BABAM2: variants seen among roughly 807,000 people sequenced by gnomAD.
The protein encoded by BABAM2 is BRISC and BRCA1 A complex member 2.
BABAM2 carries 31 observed loss-of-function variants against 54.7 expected under a neutral mutation model. The observed-to-expected ratio is 0.57, with a 90% CI of 0.43 to 0.77. The LOEUF is 0.77. Among genes scored for constraint, BABAM2 ranks in the 30% least tolerant of loss-of-function variants. The probability of loss-of-function intolerance (pLI) is 0.00; values close to 1 mark genes in which losing one functional copy is unlikely to be tolerated. For missense variants in BABAM2, 364 were observed against 455.8 expected (o/e 0.80, Z 1.83); for synonymous variants, 167 against 162.9 (o/e 1.03, Z -0.19).
chr2:28,308,903 G>A (rs1688803860), intron 11 of BABAM2: 1 of 155,234 alleles, frequency 6.4e-6, no homozygotes, highest in Admixed American at 6.4e-5. Flanking sequence ...GCCTACTTGA[G>A]AGGGTTATGA....
intron 6 of BABAM2, among the ~76,000 whole-genome samples, chr2:28,123,157 C>T (rs1412614773): frequency 6.6e-6 from 1 of 152,082 alleles, no homozygotes; most frequent in Non-Finnish European, 1.5e-5. Flanking sequence ...TCTGTATGTA[C>T]TATGTTCCAG....
chr2:28,138,972 A>G (rs948097597), intron 7 of BABAM2, among the ~76,000 whole-genome samples: 6 of 152,224 alleles, frequency 3.9e-5, no homozygotes, highest in African/African-American at 1.4e-4. Context: ...CATGCAGGAA[A>G]ACTGCATATG....
chr2:28,327,275 G>A (rs769030176), intron 11 of BABAM2: 32 of 1,600,226 alleles, frequency 2.0e-5, no homozygotes, highest in Non-Finnish European at 2.7e-5. Context: ...CTGCACCAGG[G>A]GATGCCAAGG....
At chr2:27,974,311 T>C (rs1573303837) in intron 3 of BABAM2, among the ~76,000 whole-genome samples, 1 of 152,150 alleles carries the variant, frequency 6.6e-6, no homozygotes, top group African/African-American at 2.4e-5. Context: ...CGAAAAAAAT[T>C]AGCAAATTGA....
intron 2 of BABAM2, among the ~76,000 whole-genome samples, chr2:27,916,257 G>C (rs1666958551): frequency 6.6e-6 from 1 of 150,872 alleles, no homozygotes; most frequent in Non-Finnish European, 1.5e-5. Context: ...ACATGTTTTG[G>C]ATCAAGGCAT....
At chr2:28,089,421 G>C (rs1378998354) in intron 6 of BABAM2, among the ~76,000 whole-genome samples, 1 of 152,164 alleles carries the variant, frequency 6.6e-6, no homozygotes, top group East Asian at 1.9e-4. Context: ...CTTGAGGGCA[G>C]TTTGCTAAGT....
intron 10 of BABAM2, among the ~76,000 whole-genome samples, chr2:28,254,585 T>A (rs1455376473): frequency 6.6e-6 from 1 of 152,086 alleles, no homozygotes; most frequent in Non-Finnish European, 1.5e-5. Flanking sequence ...AGTGAACCGC[T>A]ATCACCCATA....
intron 3 of BABAM2, among the ~76,000 whole-genome samples, chr2:27,977,957 T>G (rs980286575): frequency 2.0e-5 from 3 of 152,160 alleles, no homozygotes; most frequent in African/African-American, 4.8e-5. Context: ...TTCAGAGAGA[T>G]ATTAAATTTC....
intron 10 of BABAM2, among the ~76,000 whole-genome samples, chr2:28,250,584 C>CTTTTTTTTTTTTTTTTTTTTTTT (rs34597279): frequency 7.3e-5 from 10 of 137,000 alleles, no homozygotes; most frequent in Non-Finnish European, 9.3e-5. Flanking sequence ...ATATTTTTTT[C>CTTTTTTTTTTTTTTTTTTTTTTT]TTTTTTTTTT....
chr2:27,905,063 A>G (rs1666093655), intron 2 of BABAM2, among the ~76,000 whole-genome samples: 1 of 152,250 alleles, frequency 6.6e-6, no homozygotes, highest in South Asian at 2.1e-4. Context: ...GTTTATTGGC[A>G]TATATGAAAG....
intron 3 of BABAM2, among the ~76,000 whole-genome samples, chr2:27,987,415 A>G (rs1672476854): frequency 6.6e-6 from 1 of 152,212 alleles, no homozygotes; most frequent in African/African-American, 2.4e-5. Flanking sequence ...AATAATCAGT[A>G]CATATTTTGG....
chr2:28,108,632 T>G (rs1296075950), intron 6 of BABAM2, among the ~76,000 whole-genome samples: 1 of 152,246 alleles, frequency 6.6e-6, no homozygotes, highest in East Asian at 1.9e-4. Context: ...GTCCAACATT[T>G]ATAGTTTTTC....
intron 2 of BABAM2, chr2:27,896,877 G>A: frequency 5.1e-6 from 1 of 194,878 alleles, no homozygotes; most frequent in Non-Finnish European, 1.1e-5. Flanking sequence ...CGTGGTCTCT[G>A]TGAAAGATCT....
intron 7 of BABAM2, among the ~76,000 whole-genome samples, chr2:28,217,817 A>G (rs1366455169): frequency 6.6e-6 from 1 of 152,194 alleles, no homozygotes; most frequent in African/African-American, 2.4e-5. Context: ...ATCACATATT[A>G]ACAGCATTAA....
chr2:28,182,575 G>T (rs1362432896), intron 7 of BABAM2, among the ~76,000 whole-genome samples: 1 of 152,198 alleles, frequency 6.6e-6, no homozygotes, highest in Admixed American at 6.5e-5. Flanking sequence ...AATCATGGCA[G>T]ATCAGTGCTA....
At chr2:28,129,054 C>T (rs1488802967) in intron 6 of BABAM2, among the ~76,000 whole-genome samples, 3 of 152,280 alleles carry the variant, frequency 2.0e-5, no homozygotes, top group East Asian at 1.9e-4. Context: ...AGGTGGAGGT[C>T]TTTCGCTTTG....
intron 7 of BABAM2, among the ~76,000 whole-genome samples, chr2:28,197,739 C>T (rs938125343): frequency 2.6e-5 from 4 of 152,158 alleles, no homozygotes; most frequent in African/African-American, 7.2e-5. Context: ...GTATGTATGA[C>T]TCTTCCTGAG....
intron 7 of BABAM2, among the ~76,000 whole-genome samples, chr2:28,210,987 G>C (rs115893239): frequency 6.8e-4 from 103 of 152,354 alleles, no homozygotes; most frequent in African/African-American, 2.4e-3. Context: ...CAGTGGTAAA[G>C]ACAATTCAAA....
intron 6 of BABAM2, among the ~76,000 whole-genome samples, chr2:28,059,982 G>T (rs1442120260): frequency 1.3e-5 from 2 of 152,162 alleles, no homozygotes; most frequent in Admixed American, 6.5e-5. Context: ...AAGGGGAAAT[G>T]ATTTCTAACT....
Sources: gnomAD v4.1 joint callset for allele counts (sites outside exome capture counted in the v4.1 genomes callset) on GRCh38, gnomAD v4.1.1 for gene constraint, MANE v1.5 for transcripts, NCBI Gene and HGNC (gene_info 2026-07-23, HGNC 2026-07-21) for gene names.